MAP4K5: variants seen among roughly 807,000 people sequenced by gnomAD.
MAP4K5 encodes the protein MAPK/ERK kinase kinase kinase 5.
Under a neutral mutation model 135.6 loss-of-function variants are expected in MAP4K5, and 82 were observed. The observed-to-expected ratio is 0.60, with a 90% CI of 0.51 to 0.73. The LOEUF is 0.73. Ranked by LOEUF, MAP4K5 falls within the 30% of genes least tolerant of loss-of-function variation. The pLI is 0.00. For missense variants in MAP4K5, 907 were observed against 1,010.9 expected, an observed-to-expected ratio of 0.90 and a Z score of 1.39; for synonymous variants, 347 against 335.0, an observed-to-expected ratio of 1.04 and a Z score of -0.39.
chr14:50,549,870 A>G (rs1157335365), intron 1 of MAP4K5, among the ~76,000 whole-genome samples: 1 of 152,202 alleles, frequency 6.6e-6, no homozygotes, highest in Non-Finnish European at 1.5e-5. Context: ...TAAAAGAGTT[A>G]CCCACTAACA....
At chr14:50,498,248 A>C (rs947972075) in intron 3 of MAP4K5, among the ~76,000 whole-genome samples, 1 of 152,168 alleles carries the variant, frequency 6.6e-6, no homozygotes, top group African/African-American at 2.4e-5. Context: ...AATGCAACTA[A>C]AACTCACAAT....
At chr14:50,462,231 C>T (rs1282576062) in intron 13 of MAP4K5, among the ~76,000 whole-genome samples, 2 of 152,064 alleles carry the variant, frequency 1.3e-5, no homozygotes, top group Non-Finnish European at 2.9e-5. Context: ...CCTTTATTTC[C>T]TTGGAAACAG....
At chr14:50,558,194 G>A (rs966870047) in intron 1 of MAP4K5, among the ~76,000 whole-genome samples, 30 of 152,088 alleles carry the variant, frequency 2.0e-4, no homozygotes, top group African/African-American at 6.5e-4. Flanking sequence ...GAGAAACCCC[G>A]TCTCTACATA....
In MAP4K5 at chr14:50,434,458, C is replaced by G. The variant is rs749033936; in HGVS notation, c.2100G>C (p.Gln700His). The G allele has an allele frequency of 6.2e-7, 1 of 1,609,816 alleles. No homozygotes were observed. Among genetic ancestry groups the G allele is most frequent in the South Asian group, 1.1e-5 (1 of 90,092 alleles). Reference sequence around the variant, plus strand: ...AATTGATTGTCTCAAACTGAACTACCTGATTCGATTCAGTGCCTTTGCTAA... The same window carrying G: ...AATTGATTGTCTCAAACTGAACTACGTGATTCGATTCAGTGCCTTTGCTAA... ...VAISKGTESNQVVQFETINLN... is the reference protein window; with the variant it reads ...VAISKGTESNHVVQFETINLN... Residue 700 changes from glutamine (Q) to histidine (H), a missense_variant, in exon 28 of 33, where the codon CAG becomes CAC. Physicochemically the swap from Gln to His is conservative, Grantham distance 24 (BLOSUM62 0). Around this residue, in one of 3 missense-constraint regions of MAP4K5, gnomAD observed 690 missense variants for 777.4 expected, o/e 0.89. Transcript: ENST00000682126.
intron 1 of MAP4K5, chr14:50,560,428 G>T (rs12882762): frequency 8.0e-7 from 1 of 1,242,734 alleles, no homozygotes; most frequent in South Asian, 1.3e-5. Flanking sequence ...ACGGGCCGTA[G>T]CCGAGCCGCT....
In MAP4K5 at chr14:50,448,845, T is replaced by C. The variant is rs2036418232; in HGVS notation, c.1016-13A>G. On this transcript the variant is annotated splice_polypyrimidine_tract_variant and intron_variant, in intron 14 of 32. Transcript: ENST00000682126. ...TGTAATTTGTCAACTGCAAAATATA[T>C]AACAGGTATGTACAAACTCAGCATC... The C allele has an allele frequency of 2.1e-6, 3 of 1,419,244 alleles. No homozygotes were observed. Among genetic ancestry groups the C allele is most frequent in the Non-Finnish European group, 2.9e-6 (3 of 1,029,534 alleles). 87.9% of individuals were successfully genotyped at this position (1,419,244 alleles called of 1,614,324 possible).
At chr14:50,462,626 C>T in intron 13 of MAP4K5, 39 bp downstream of exon 13, 1 of 1,411,314 alleles carries the variant, frequency 7.1e-7, no homozygotes, top group Non-Finnish European at 9.8e-7. Context: ...CCTTATAAAA[C>T]ATTTATTTTC....
chr14:50,437,340 T>C (rs868532400), intron 26 of MAP4K5, 136 bp downstream of exon 26: 6 of 670,054 alleles, frequency 9.0e-6, no homozygotes, highest in Middle Eastern at 3.9e-4. Context: ...TGTACTTCAA[T>C]GGCAGCTTAA....
intron 2 of MAP4K5, among the ~76,000 whole-genome samples, chr14:50,538,546 T>G (rs1393332979): frequency 2.0e-5 from 3 of 152,242 alleles, no homozygotes; most frequent in Non-Finnish European, 4.4e-5. Flanking sequence ...ACACTGTTCC[T>G]TATTGGTTTC....
At chr14:50,516,294 G>A (rs1005197621) in intron 2 of MAP4K5, among the ~76,000 whole-genome samples, 1 of 152,212 alleles carries the variant, frequency 6.6e-6, no homozygotes, top group African/African-American at 2.4e-5. Context: ...AACATAGGAG[G>A]AAGCACACAT....
chr14:50,521,712 C>G (rs1301785804), intron 2 of MAP4K5, among the ~76,000 whole-genome samples: 1 of 152,192 alleles, frequency 6.6e-6, no homozygotes, highest in Non-Finnish European at 1.5e-5. Flanking sequence ...AAGGACAGAT[C>G]TGACTATCAG....
intron 3 of MAP4K5, among the ~76,000 whole-genome samples, chr14:50,503,011 C>T (rs1291462547): frequency 1.3e-5 from 2 of 151,118 alleles, no homozygotes; most frequent in African/African-American, 4.9e-5. Flanking sequence ...GGAGAAAAGG[C>T]CTAAGTACAA....
At chr14:50,421,894 CT>C (rs11299785) in intron 32 of MAP4K5, among the ~76,000 whole-genome samples, 137,484 of 139,688 alleles carry the variant, frequency 0.98, 67,669 homozygotes, top group South Asian at 1. Flanking sequence ...ATCCACAATT[CT>C]TTTTTTTTTT....
intron 2 of MAP4K5, among the ~76,000 whole-genome samples, chr14:50,509,589 G>A (rs920526956): frequency 6.6e-6 from 1 of 150,912 alleles, no homozygotes; most frequent in African/African-American, 2.4e-5. Flanking sequence ...GAAAACAGTA[G>A]TATTTTAAAC....
rs371491478 is a variant in MAP4K5 at position 50,523,577 on chromosome 14, C to T, written c.108+8365G>A. ...TTTCAATGAGGCCTACCCTGACCAT[C>T]CTTATATAATTCCCCAACCTGCCTT... On this transcript the variant is annotated intron_variant, in intron 2 of 32. Transcript: ENST00000682126. Among the ~76,000 whole-genome samples the T allele has an allele frequency of 1.6e-4, 25 of 152,318 alleles. No individual in the cohort carries two copies. The East Asian group carries it at 2.1e-3, about 13-fold the overall frequency.
At chr14:50,505,133 G>T in intron 2 of MAP4K5, 1 of 276,202 alleles carries the variant, frequency 3.6e-6, no homozygotes, top group Non-Finnish European at 6.6e-6. Flanking sequence ...CTTCAGCCTC[G>T]GGTTAGTTAA....
chr14:50,505,515 G>A (rs533130070), intron 2 of MAP4K5, among the ~76,000 whole-genome samples: 1 of 152,206 alleles, frequency 6.6e-6, no homozygotes, highest in African/African-American at 2.4e-5. Context: ...TAAATGTCTA[G>A]AAGAGAAACT....
chr14:50,461,014 T>C (rs558750789), intron 13 of MAP4K5, among the ~76,000 whole-genome samples: 2 of 152,262 alleles, frequency 1.3e-5, no homozygotes, highest in Admixed American at 1.3e-4. Flanking sequence ...TGAGTGCTAG[T>C]AGTTACTATA....
rs1463221854 is a variant in MAP4K5 at position 50,485,566 on chromosome 14, A to G, written c.322+12T>C. The G allele has an allele frequency of 6.7e-7, 1 of 1,501,516 alleles. No individual in the cohort carries two copies. The highest frequency in any genetic ancestry group is 9.0e-7 in the Non-Finnish European group (1 of 1,105,898). The allele number at this position is 1,501,516 out of a possible 1,614,324, so 93.0% of individuals were successfully genotyped here. On this transcript the variant is annotated intron_variant, in intron 5 of 32. Transcript: ENST00000682126. The stretch of plus-strand genomic sequence containing the variant: ...AAAGTCTGTTTAAAATGTAAAGTCA[A>G]ATTAACAGTACCATGGTAAATATCT...
Sources: gnomAD v4.1 joint callset for allele counts (sites outside exome capture counted in the v4.1 genomes callset) on GRCh38, gnomAD v4.1.1 for gene constraint, gnomAD v4.1.1 regional missense constraint, MANE v1.5 for transcripts, NCBI Gene and HGNC (gene_info 2026-07-23, HGNC 2026-07-21) for gene names.